Variants in MED23 observed in about 807,000 individuals in gnomAD.
MED23 encodes the protein mediator complex subunit 23.
MED23 carries 105 observed loss-of-function variants against 163.9 expected under a neutral mutation model. That is an observed-to-expected ratio of 0.64 (90% confidence interval 0.55 to 0.75). The LOEUF is 0.75. MED23 is among the 30% of genes least tolerant of loss of function. The pLI, the probability that MED23 is intolerant of heterozygous loss-of-function variation, is 0.00. For missense variants in MED23, 1,054 were observed against 1,649.0 expected, an observed-to-expected ratio of 0.64 and a Z score of 6.25; for synonymous variants, 561 against 565.6, an observed-to-expected ratio of 0.99 and a Z score of 0.12.
At chr6:131,574,236 T>A in exon 31 of MED23, 1 of 1,607,142 alleles carries the variant, frequency 6.2e-7, no homozygotes, top group Non-Finnish European at 8.5e-7. Context: ...TTTCTCAGGA[T>A]CTGGGCAGCG....
At chr6:131,584,052 C>G (rs2114552516), downstream of MED23, 6 of 915,516 alleles carry the variant, frequency 6.6e-6, no homozygotes, top group South Asian at 1.1e-4. Context: ...CAAATTCCCT[C>G]TTGGTGTAAA....
intron 7 of MED23, 26 bp from the exon 8 acceptor site, chr6:131,619,922 T>C: frequency 7.4e-6 from 11 of 1,476,548 alleles, no homozygotes; most frequent in East Asian, 2.3e-5. Context: ...AAGAGGGAAG[T>C]CAAATAAATA....
At chr6:131,621,298 G>A (rs941652201) in intron 6 of MED23, among the ~76,000 whole-genome samples, 8 of 151,944 alleles carry the variant, frequency 5.3e-5, no homozygotes, top group African/African-American at 1.9e-4. Context: ...ATTGCTAAGA[G>A]AGTAGATTTT....
At chr6:131,616,104 T>A in intron 9 of MED23, 102 bp from the exon 10 acceptor site, 1 of 894,360 alleles carries the variant, frequency 1.1e-6, no homozygotes, top group Non-Finnish European at 1.8e-6. Flanking sequence ...ACTTGTTACC[T>A]TCACAGAGTA....
chr6:131,583,392 GGAC>G (rs773118188), downstream of MED23: 3 of 1,614,088 alleles, frequency 1.9e-6, no homozygotes, highest in Non-Finnish European at 1.7e-6. Flanking sequence ...TGATGTTGAC[GGAC>G]TGGACCCATC....
rs142779399 is a variant in MED23, at chr6:131,587,872, G to A, written c.3940-26C>T. 5,652 of 1,578,368 alleles carry A rather than the reference G, an allele frequency of 3.6e-3. 16 individuals are homozygous for A. Among genetic ancestry groups the A allele is most frequent in the Non-Finnish European group, 4.5e-3 (5,166 of 1,154,618 alleles). ...CTAAGAAATAAAAACACATTAAAAC[G>A]TACTTTAATCAGAGAATTTCAACTT... On this transcript the variant is annotated intron_variant, in intron 28 of 28. Coordinates refer to ENST00000368068, the MANE Select transcript of MED23 (RefSeq NM_004830.4).
At position 131,589,580 on chromosome 6, in the gene MED23, T is replaced by C; in HGVS notation, c.3824A>G (p.Tyr1275Cys). Residue 1275 changes from tyrosine to cysteine, a missense_variant, in exon 28 of 29, where the codon TAT (tyrosine) becomes TGT (cysteine). Physicochemically the swap from Tyr to Cys is radical, Grantham distance 194. This residue lies in a region of MED23 where 362 missense variants were observed against 471.6 expected (regional missense o/e 0.77). Coordinates refer to ENST00000368068, the MANE Select transcript of MED23 (RefSeq NM_004830.4). ...RCMIEIGVAFYDMLLNVDQCS... is the reference protein window; with the variant it reads ...RCMIEIGVAFCDMLLNVDQCS... ...CTGGTCAACATTCAGCAGCATGTCA[T>C]AAAACGCCACACCAATCTATTTAAC... 6.2e-7 allele frequency: 1 copy of C among 1,613,972 alleles called. No individual in the cohort carries two copies.
At chr6:131,576,678 G>A in intron 30 of MED23, 1 of 1,614,046 alleles carries the variant, frequency 6.2e-7, no homozygotes, top group East Asian at 2.2e-5. Context: ...AGGAGGGGTG[G>A]AAGAAGGCCC....
Position 131,596,561 on chromosome 6 carries a change from C to T in MED23, c.2735G>A (p.Trp912Ter). Residue 912 changes from tryptophan to a stop codon, truncating the protein, a stop_gained, in exon 21 of 29, where the codon TGG becomes TAG. Transcript: ENST00000368068. LOFTEE classifies it high-confidence loss of function. ...DFVKENSPEH[W>*]LQNDWHTKHM... is the part of the protein sequence containing the mutation. Reference sequence around the variant, plus strand: ...CTTGGTGTGCCAGTCATTCTGTAACCAGTGCTCTGGGGAATTTTCCTTCAC... The same window carrying T: ...CTTGGTGTGCCAGTCATTCTGTAACTAGTGCTCTGGGGAATTTTCCTTCAC... 2 of 1,614,154 alleles carry T rather than the reference C, an allele frequency of 1.2e-6. No homozygotes were observed. The highest frequency in any genetic ancestry group is 1.7e-6 in the Non-Finnish European group (2 of 1,180,026).
chr6:131,576,550 A>G, intron 30 of MED23: 2 of 1,004,176 alleles, frequency 2.0e-6, no homozygotes, highest in Non-Finnish European at 3.1e-6. Flanking sequence ...GCTCTGTAGG[A>G]GCTCAAAAAA....
intron 24 of MED23, 145 bp downstream of exon 24, chr6:131,592,861 A>G: frequency 1.0e-6 from 1 of 999,110 alleles, no homozygotes; most frequent in South Asian, 1.4e-5. Context: ...CCTATATCAC[A>G]AAGACAAGAT....
At chr6:131,596,360 G>T in intron 21 of MED23, 158 bp downstream of exon 21, 1 of 937,972 alleles carries the variant, frequency 1.1e-6, no homozygotes, top group Non-Finnish European at 1.6e-6. Flanking sequence ...CAACATTATA[G>T]AAACTCTCAA....
intron 22 of MED23, 135 bp downstream of exon 22, chr6:131,595,811 AG>A: frequency 1.4e-6 from 1 of 693,242 alleles, no homozygotes; most frequent in Non-Finnish European, 2.5e-6. Flanking sequence ...CACCATCCAT[AG>A]TACTTATCCT....
chr6:131,575,801 T>C (rs1380384780), intron 30 of MED23, among the ~76,000 whole-genome samples: 1 of 152,008 alleles, frequency 6.6e-6, no homozygotes, highest in African/African-American at 2.4e-5. Context: ...GGAGGAAGAG[T>C]GTTAGTTTCC....
intron 26 of MED23, 81 bp from the exon 27 acceptor site, chr6:131,590,523 T>A (rs1020273914): frequency 1.1e-6 from 1 of 909,352 alleles, no homozygotes; most frequent in Non-Finnish European, 1.7e-6. Flanking sequence ...ATATACAAAG[T>A]ATTACAATAA....
chr6:131,588,782 T>C (rs1774361955), intron 28 of MED23, among the ~76,000 whole-genome samples: 1 of 152,164 alleles, frequency 6.6e-6, no homozygotes. Flanking sequence ...TCAGTTATGA[T>C]TCAAGGTCTT....
Position 131,628,228 on chromosome 6 carries a change from A to G in MED23, c.-179T>C, listed in dbSNP as rs950388425. 2 of 687,778 alleles carry G rather than the reference A, an allele frequency of 2.9e-6. No individual in the cohort carries two copies. The highest frequency in any genetic ancestry group is 5.1e-6 in the Non-Finnish European group (2 of 393,320). The allele number at this position is 687,778 out of a possible 1,614,324, so 42.6% of individuals were successfully genotyped here. On this transcript the variant is annotated 5_prime_UTR_variant, in exon 1 of 29. Coordinates refer to ENST00000368068, the MANE Select transcript of MED23 (RefSeq NM_004830.4). ...CTCCCGAGCCCAGCCAACAGCAGGA[A>G]CCTGTACGGAAGACGGGAAGGGCCC...
intron 5 of MED23, 130 bp from the exon 6 acceptor site, chr6:131,622,109 T>A (rs1204100150): frequency 3.1e-6 from 2 of 640,870 alleles, no homozygotes; most frequent in Non-Finnish European, 5.6e-6. Flanking sequence ...AGTTACAATC[T>A]AAGTCCCTAA....
intron 30 of MED23, among the ~76,000 whole-genome samples, chr6:131,575,578 T>C (rs936141630): frequency 2.0e-5 from 3 of 152,158 alleles, no homozygotes; most frequent in African/African-American, 7.2e-5. Flanking sequence ...TTCTGTTCCT[T>C]TGAATGGGGA....
Sources: allele counts gnomAD v4.1 joint callset (sites outside exome capture counted in the v4.1 genomes callset), GRCh38; gene constraint gnomAD v4.1.1; regional missense constraint gnomAD v4.1.1; transcripts MANE v1.5; gene names NCBI Gene and HGNC (gene_info 2026-07-23, HGNC 2026-07-21).